RALGPS2: variants seen among roughly 807,000 people sequenced by gnomAD.
The protein encoded by RALGPS2 is Ral GEF with PH domain and SH3 binding motif 2.
RALGPS2 carries 43 observed loss-of-function variants against 86.8 expected under a neutral mutation model. The ratio of observed to expected loss-of-function variants is 0.50; its 90% confidence interval spans 0.39 to 0.64. RALGPS2 has a LOEUF of 0.64. Among genes scored for constraint, RALGPS2 ranks in the 30% least tolerant of loss-of-function variants. RALGPS2 has a pLI of 0.00. For synonymous variants in RALGPS2, 243 were observed against 231.3 expected, an observed-to-expected ratio of 1.05 and a Z score of -0.46; for missense variants, 536 against 694.6, an observed-to-expected ratio of 0.77 and a Z score of 2.57.
chr1:178,740,498 T>C (rs145934734), intron 1 of RALGPS2, among the ~76,000 whole-genome samples: 1 of 152,230 alleles, frequency 6.6e-6, no homozygotes, highest in Non-Finnish European at 1.5e-5. Flanking sequence ...GCTGCAAAGA[T>C]GTGTTGGTGT....
At chr1:178,775,981 A>G (rs1327489635) in intron 1 of RALGPS2, among the ~76,000 whole-genome samples, 1 of 151,392 alleles carries the variant, frequency 6.6e-6, no homozygotes, top group Non-Finnish European at 1.5e-5. Context: ...TTTCCTTGCT[A>G]TAATTCCCTA....
chr1:178,770,932 G>A (rs936994836), intron 1 of RALGPS2, among the ~76,000 whole-genome samples: 13 of 149,824 alleles, frequency 8.7e-5, no homozygotes, highest in South Asian at 2.2e-4. Context: ...TCCCCGTCGC[G>A]GGATCAAGCT....
Position 178,919,369 on chromosome 1 carries a change from G to T in RALGPS2, c.*3010G>T, listed in dbSNP as rs139209943. On this transcript the variant is annotated 3_prime_UTR_variant, in exon 20 of 20. Transcript: ENST00000367635. ...TAACTATTGCACTACCTTCTGTGTG[G>T]ACTGTGTTGGTATTGGTTCTTTCTG... 5 of 151,960 alleles carry T rather than the reference G, an allele frequency of 3.3e-5. No homozygotes were observed. The highest frequency in any genetic ancestry group is 7.4e-5 in the Non-Finnish European group (5 of 67,922). The allele number at this position is 151,960 out of a possible 1,614,324, so 9.4% of individuals were successfully genotyped here.
intron 4 of RALGPS2, among the ~76,000 whole-genome samples, chr1:178,797,841 ACTCCT>A (rs1654269707): frequency 6.6e-6 from 1 of 151,590 alleles, no homozygotes; most frequent in South Asian, 2.1e-4. Flanking sequence ...CCATCGCATT[ACTCCT>A]CTCCTACTCC....
At chr1:178,854,684 G>A (rs1257365306) in intron 8 of RALGPS2, among the ~76,000 whole-genome samples, 1 of 152,166 alleles carries the variant, frequency 6.6e-6, no homozygotes, top group African/African-American at 2.4e-5. Context: ...TATCACAGAA[G>A]ATGGTAAACC....
chr1:178,807,907 T>C (rs1654815259), intron 4 of RALGPS2, 138 bp from the exon 5 acceptor site: 4 of 683,736 alleles, frequency 5.9e-6, no homozygotes, highest in Non-Finnish European at 1.0e-5. Flanking sequence ...ACTGAATGGA[T>C]ATAATATTAT....
intron 8 of RALGPS2, among the ~76,000 whole-genome samples, chr1:178,862,831 C>CT (rs1351959962): frequency 6.6e-6 from 1 of 152,066 alleles, no homozygotes; most frequent in Non-Finnish European, 1.5e-5. Context: ...GCAAATTGGA[C>CT]TTTTTCTGTT....
chr1:178,840,103 G>C (rs1280184050), intron 8 of RALGPS2, among the ~76,000 whole-genome samples: 1 of 152,092 alleles, frequency 6.6e-6, no homozygotes. Flanking sequence ...AAGACAGAAG[G>C]TTAACAAGGA....
intron 4 of RALGPS2, among the ~76,000 whole-genome samples, chr1:178,789,821 A>G (rs530811800): frequency 6.6e-6 from 1 of 152,222 alleles, no homozygotes; most frequent in Non-Finnish European, 1.5e-5. Flanking sequence ...TCTGACTGGC[A>G]CATAGTGGAA....
intron 8 of RALGPS2, among the ~76,000 whole-genome samples, chr1:178,862,478 A>T (rs1159154248): frequency 6.6e-6 from 1 of 152,210 alleles, no homozygotes. Context: ...ATAATTTAAG[A>T]GGGACTATAC....
intron 8 of RALGPS2, among the ~76,000 whole-genome samples, chr1:178,839,842 A>C (rs1291479650): frequency 6.6e-6 from 1 of 152,070 alleles, no homozygotes; most frequent in East Asian, 1.9e-4. Flanking sequence ...GAAAACAAAA[A>C]AAGGGGTTGC....
At chr1:178,803,953 T>C (rs915837918) in intron 4 of RALGPS2, among the ~76,000 whole-genome samples, 1 of 152,142 alleles carries the variant, frequency 6.6e-6, no homozygotes, top group Admixed American at 6.5e-5. Flanking sequence ...GTATCTTGAG[T>C]CTATCGTATC....
intron 1 of RALGPS2, among the ~76,000 whole-genome samples, chr1:178,759,863 T>C (rs965557522): frequency 3.3e-5 from 5 of 152,184 alleles, no homozygotes; most frequent in Non-Finnish European, 7.3e-5. Flanking sequence ...ATGGGATTAC[T>C]TTTTAAAATT....
At chr1:178,906,459 G>A (rs1482814488) in intron 18 of RALGPS2, among the ~76,000 whole-genome samples, 1 of 152,052 alleles carries the variant, frequency 6.6e-6, no homozygotes, top group Non-Finnish European at 1.5e-5. Context: ...CACAGATCTA[G>A]AGATGCCACA....
intron 8 of RALGPS2, among the ~76,000 whole-genome samples, chr1:178,856,232 T>C (rs543226168): frequency 1.4e-4 from 18 of 130,438 alleles, no homozygotes; most frequent in African/African-American, 5.5e-4. Context: ...TATATATATA[T>C]ATGGTTTTGG....
chr1:178,835,029 C>G (rs1401030205), intron 8 of RALGPS2, among the ~76,000 whole-genome samples: 1 of 152,208 alleles, frequency 6.6e-6, no homozygotes, highest in Non-Finnish European at 1.5e-5. Flanking sequence ...CCGCCCATCT[C>G]AGTCTCCCAA....
At chr1:178,761,293 A>C (rs1191735304) in intron 1 of RALGPS2, among the ~76,000 whole-genome samples, 1 of 151,970 alleles carries the variant, frequency 6.6e-6, no homozygotes, top group Admixed American at 6.6e-5. Context: ...GTTCATTTTA[A>C]AAAATTCTTT....
At chr1:178,747,145 AACAAG>A in intron 1 of RALGPS2, 1 of 1,011,442 alleles carries the variant, frequency 9.9e-7, no homozygotes, top group Non-Finnish European at 1.6e-6. Context: ...TTTCCATCAA[AACAAG>A]ACAAGTGTCT....
At chr1:178,744,671 G>A (rs1651211406) in intron 1 of RALGPS2, among the ~76,000 whole-genome samples, 1 of 151,936 alleles carries the variant, frequency 6.6e-6, no homozygotes, top group African/African-American at 2.4e-5. Flanking sequence ...AAAAAAATTA[G>A]CGCGGCATGG....
Sources: allele counts gnomAD v4.1 joint callset (sites outside exome capture counted in the v4.1 genomes callset), GRCh38; gene constraint gnomAD v4.1.1; transcripts MANE v1.5; gene names NCBI Gene and HGNC (gene_info 2026-07-23, HGNC 2026-07-21).